The following NPFFR2 variants were observed in gnomAD, a reference collection of about 807,000 sequenced individuals.
The protein encoded by NPFFR2 is G-protein coupled receptor 74.
In NPFFR2, 15 loss-of-function variants were observed where a neutral mutation model predicts 13.1. The ratio of observed to expected loss-of-function variants is 1.15; its 90% confidence interval spans 0.77 to 1.76. The LOEUF is 1.76. Among genes scored for constraint, NPFFR2 ranks in the 40% most tolerant of loss-of-function variants. The probability of loss-of-function intolerance (pLI) is 0.00; values close to 1 mark genes in which losing one functional copy is unlikely to be tolerated. For synonymous variants in NPFFR2, 190 were observed against 175.7 expected, an observed-to-expected ratio of 1.08 and a Z score of -0.65; for missense variants, 572 against 503.5, an observed-to-expected ratio of 1.14 and a Z score of -1.30.
chr4:72,147,635 T>C lies in NPFFR2; in HGVS notation c.1086T>C (p.Ala362=). The part of the protein sequence containing the change: ...LCQKRAKPME[A]YALKAKSHVL... The stretch of plus-strand genomic sequence containing the variant: ...AAAAAAGAGCAAAGCCTATGGAAGC[T>C]TATGCCCTAAAAGCTAAAAGCCATG... The change falls in exon 4 of 4, where the codon GCT becomes GCC. Residue 362 remains alanine, a synonymous_variant. Coordinates refer to ENST00000308744, the MANE Select transcript of NPFFR2 (RefSeq NM_004885.3). 6.2e-7 allele frequency: 1 copy of C among 1,614,140 alleles called. No individual in the cohort carries two copies. Among genetic ancestry groups the C allele is most frequent in the Non-Finnish European group, 8.5e-7 (1 of 1,180,028 alleles).
intron 1 of NPFFR2, among the ~76,000 whole-genome samples, chr4:72,051,458 C>T (rs1297150256): frequency 6.6e-6 from 1 of 151,194 alleles, no homozygotes; most frequent in Non-Finnish European, 1.5e-5. Context: ...AGAGCAAAGA[C>T]ACAACATACC....
At chr4:72,115,503 A>G (rs1165129737) in intron 1 of NPFFR2, among the ~76,000 whole-genome samples, 1 of 152,154 alleles carries the variant, frequency 6.6e-6, no homozygotes, top group East Asian at 1.9e-4. Flanking sequence ...AAGTCTGAGC[A>G]TGTGTGTCCT....
In NPFFR2 at chr4:72,148,075, C is replaced by T; in HGVS notation, c.*263C>T. 8.9e-6 allele frequency: 3 copies of T among 337,298 alleles called. No homozygotes were observed. The highest frequency in any genetic ancestry group is 1.1e-5 in the Non-Finnish European group (2 of 186,380). 20.9% of individuals were successfully genotyped at this position (337,298 alleles called of 1,614,324 possible). A position where few individuals can be genotyped will look rare whatever the true frequency, so the allele number is the denominator to read the frequency against. On this transcript the variant is annotated 3_prime_UTR_variant, in exon 4 of 4. Coordinates refer to ENST00000308744, the MANE Select transcript of NPFFR2 (RefSeq NM_004885.3). Reference sequence around the variant, plus strand: ...TAGAGAACAGTTTACAAAGCCTCATCTTTCCAAACTTAACCATTTGTGTAT... The same window carrying T: ...TAGAGAACAGTTTACAAAGCCTCATTTTTCCAAACTTAACCATTTGTGTAT...
At chr4:72,123,733 T>C (rs2109829953) in intron 1 of NPFFR2, among the ~76,000 whole-genome samples, 1 of 152,270 alleles carries the variant, frequency 6.6e-6, no homozygotes, top group East Asian at 1.9e-4. Flanking sequence ...CTAAAAACTC[T>C]CAATAAACTA....
chr4:72,106,459 T>C (rs528083042), intron 1 of NPFFR2, among the ~76,000 whole-genome samples: 15 of 152,000 alleles, frequency 9.9e-5, no homozygotes, highest in Admixed American at 2.0e-4. Flanking sequence ...CAGAGATGAA[T>C]TGCCCCGCAT....
intron 1 of NPFFR2, among the ~76,000 whole-genome samples, chr4:72,120,866 C>T (rs1253872830): frequency 6.6e-6 from 1 of 152,000 alleles, no homozygotes; most frequent in Non-Finnish European, 1.5e-5. Context: ...CAACTCCTTG[C>T]CAGCAAAGGA....
At chr4:72,138,859 C>G (rs1010498428) in intron 3 of NPFFR2, among the ~76,000 whole-genome samples, 2 of 152,206 alleles carry the variant, frequency 1.3e-5, no homozygotes. Context: ...AGTGACTGAA[C>G]TAGTTTACAC....
chr4:72,060,163 T>C (rs1719879909), intron 1 of NPFFR2, among the ~76,000 whole-genome samples: 2 of 152,094 alleles, frequency 1.3e-5, no homozygotes, highest in Admixed American at 6.6e-5. Flanking sequence ...ATTCCTAAAG[T>C]ATAACTTTAG....
At chr4:72,076,452 G>A (rs1263130797) in intron 1 of NPFFR2, among the ~76,000 whole-genome samples, 2 of 151,872 alleles carry the variant, frequency 1.3e-5, no homozygotes, top group African/African-American at 2.4e-5. Context: ...TCCCTAATAA[G>A]CATGTACCCC....
At chr4:72,128,333 G>A (rs968529852) in intron 1 of NPFFR2, among the ~76,000 whole-genome samples, 1 of 151,984 alleles carries the variant, frequency 6.6e-6, no homozygotes, top group Admixed American at 6.6e-5. Context: ...AATATAGAGT[G>A]TATTAGAAAT....
intron 1 of NPFFR2, among the ~76,000 whole-genome samples, chr4:72,097,846 G>A (rs1433402157): frequency 2.0e-5 from 3 of 152,142 alleles, no homozygotes; most frequent in Non-Finnish European, 4.4e-5. Context: ...TTTGTTGGTT[G>A]TTGATGTAAT....
intron 1 of NPFFR2, among the ~76,000 whole-genome samples, chr4:72,086,553 T>C (rs1720777050): frequency 6.6e-6 from 1 of 152,148 alleles, no homozygotes. Flanking sequence ...ATGTAATTTA[T>C]ATGTTTATTC....
intron 1 of NPFFR2, among the ~76,000 whole-genome samples, chr4:72,115,763 A>G (rs1405984378): frequency 9.9e-5 from 15 of 152,102 alleles, no homozygotes; most frequent in Non-Finnish European, 2.2e-4. Context: ...TGGTCCTTTA[A>G]GAGCACTCTT....
chr4:72,063,137 A>G (rs1719968625), intron 1 of NPFFR2, among the ~76,000 whole-genome samples: 1 of 152,188 alleles, frequency 6.6e-6, no homozygotes, highest in Non-Finnish European at 1.5e-5. Context: ...GCTTTTTCTA[A>G]ATATACAATA....
Position 72,035,503 on chromosome 4 carries a change from C to CA in NPFFR2, c.-8+3303_-8+3304insA, listed in dbSNP as rs200003793. On this transcript the variant is annotated intron_variant, in intron 1 of 3. Coordinates refer to ENST00000308744, the MANE Select transcript of NPFFR2 (RefSeq NM_004885.3). ...GGTATCTTTCCATAGTTTAGCCCCC[C>CA]CTAAAAAAGTCAAAGTGAGTCAGGA... Among the ~76,000 whole-genome samples, 651 of 152,096 alleles carry CA rather than the reference C, an allele frequency of 4.3e-3. 2 individuals are homozygous for CA. Among genetic ancestry groups the CA allele is most frequent in the Admixed American group, 7.5e-3 (114 of 15,272 alleles).
Position 72,032,130 on chromosome 4 carries a change from G to T in NPFFR2, c.-78G>T. 1 of 1,614,134 alleles carries T rather than the reference G, an allele frequency of 6.2e-7. No individual in the cohort carries two copies. The highest frequency in any genetic ancestry group is 8.5e-7 in the Non-Finnish European group (1 of 1,179,986). ...GAAAAGTAGCTGGAGCCGGAGCAGG[G>T]ACAGAACCTGTTGCTGCAGACGGGC... On this transcript the variant is annotated 5_prime_UTR_variant, in exon 1 of 4. Transcript: ENST00000308744.
chr4:72,044,621 T>A (rs747251067), intron 1 of NPFFR2, among the ~76,000 whole-genome samples: 10 of 151,868 alleles, frequency 6.6e-5, no homozygotes, highest in Admixed American at 2.6e-4. Flanking sequence ...CATTGTGGTT[T>A]TGATTTGCAT....
At chr4:72,106,999 C>T (rs368026860) in intron 1 of NPFFR2, among the ~76,000 whole-genome samples, 5 of 151,890 alleles carry the variant, frequency 3.3e-5, no homozygotes, top group African/African-American at 9.6e-5. Flanking sequence ...AAGTTGTCCC[C>T]ATTTCTTGTA....
At chr4:72,090,398 A>G (rs1214941509) in intron 1 of NPFFR2, among the ~76,000 whole-genome samples, 1 of 152,000 alleles carries the variant, frequency 6.6e-6, no homozygotes, top group Non-Finnish European at 1.5e-5. Context: ...CATTGAATTT[A>G]TAGATTGCTT....
Sources: gnomAD v4.1 joint callset for allele counts (sites outside exome capture counted in the v4.1 genomes callset) on GRCh38, gnomAD v4.1.1 for gene constraint, MANE v1.5 for transcripts, NCBI Gene and HGNC (gene_info 2026-07-23, HGNC 2026-07-21) for gene names.